Variants in SDK1 observed in about 807,000 individuals in gnomAD.
SDK1 encodes protein sidekick-1.
In SDK1, 157 loss-of-function variants were observed where a neutral mutation model predicts 245.5. That is an observed-to-expected ratio of 0.64 (90% CI 0.56 to 0.73). The LOEUF (loss-of-function observed/expected upper bound fraction) is 0.73, where lower values mean the gene tolerates loss of function less well. Ranked by LOEUF, SDK1 falls within the 30% of genes least tolerant of loss-of-function variation. SDK1 has a pLI of 0.00. For missense variants in SDK1, 3,583 were observed against 3,002.3 expected (o/e 1.19, Z -4.52); for synonymous variants, 1,647 against 1,278.5 (o/e 1.29, Z -6.15).
intron 1 of SDK1, among the ~76,000 whole-genome samples, chr7:3,343,342 G>C (rs1419851805): frequency 6.6e-6 from 1 of 152,098 alleles, no homozygotes; most frequent in Non-Finnish European, 1.5e-5. Flanking sequence ...AATAAAAAGG[G>C]CCAAAGTATT....
intron 7 of SDK1, among the ~76,000 whole-genome samples, chr7:3,952,504 A>G (rs1239631751): frequency 6.6e-6 from 1 of 152,176 alleles, no homozygotes; most frequent in East Asian, 1.9e-4. Flanking sequence ...AATCACTTGA[A>G]CCCAGGAGGC....
At chr7:4,175,384 G>C (rs192824026) in intron 33 of SDK1, among the ~76,000 whole-genome samples, 4 of 152,392 alleles carry the variant, frequency 2.6e-5, no homozygotes, top group Admixed American at 2.6e-4. Flanking sequence ...TCTCCCTGAG[G>C]TGGTTTGCTC....
intron 13 of SDK1, among the ~76,000 whole-genome samples, chr7:3,985,417 G>A (rs1783744426): frequency 1.3e-5 from 2 of 152,194 alleles, no homozygotes; most frequent in African/African-American, 4.8e-5. Context: ...TAGGAAATGG[G>A]GCTTGGGAGG....
intron 4 of SDK1, among the ~76,000 whole-genome samples, chr7:3,787,512 A>G (rs151304278): frequency 5.9e-5 from 9 of 152,162 alleles, no homozygotes; most frequent in Admixed American, 5.2e-4. Flanking sequence ...ACTGAGAGCA[A>G]TTCTAGAAAA....
intron 44 of SDK1, among the ~76,000 whole-genome samples, chr7:4,253,243 T>G (rs1052837599): frequency 3.3e-5 from 5 of 152,206 alleles, no homozygotes; most frequent in African/African-American, 9.6e-5. Flanking sequence ...AGATCTTTCT[T>G]TTTTTGTAAA....
intron 1 of SDK1, among the ~76,000 whole-genome samples, chr7:3,562,148 T>C (rs750729929): frequency 6.6e-6 from 1 of 152,194 alleles, no homozygotes; most frequent in Non-Finnish European, 1.5e-5. Flanking sequence ...ACTTGGATGT[T>C]TCGGAAACTG....
chr7:3,368,092 T>C (rs1781135635), intron 1 of SDK1, among the ~76,000 whole-genome samples: 1 of 152,238 alleles, frequency 6.6e-6, no homozygotes, highest in East Asian at 1.9e-4. Context: ...TTCTATCATA[T>C]TTTTGTAAGT....
intron 30 of SDK1, among the ~76,000 whole-genome samples, chr7:4,153,334 C>T (rs1780511252): frequency 6.6e-6 from 1 of 151,782 alleles, no homozygotes; most frequent in Non-Finnish European, 1.5e-5. Flanking sequence ...GCCTGTAATC[C>T]CAGCACTTTG....
chr7:3,881,224 A>G (rs1400667547), intron 5 of SDK1, among the ~76,000 whole-genome samples: 1 of 152,148 alleles, frequency 6.6e-6, no homozygotes, highest in African/African-American at 2.4e-5. Flanking sequence ...CCCAGCATGC[A>G]TTAGTTATTC....
At chr7:3,337,544 G>A (rs894742666) in intron 1 of SDK1, among the ~76,000 whole-genome samples, 6 of 152,138 alleles carry the variant, frequency 3.9e-5, no homozygotes, top group African/African-American at 7.2e-5. Context: ...CTAAGAAGCT[G>A]AGTGAGCCCC....
intron 5 of SDK1, among the ~76,000 whole-genome samples, chr7:3,913,979 C>A (rs1490682119): frequency 6.6e-6 from 1 of 152,184 alleles, no homozygotes; most frequent in Non-Finnish European, 1.5e-5. Context: ...ATACTCCCTT[C>A]CCTGATGGTG....
rs200165223 is a variant in SDK1 at position 3,789,460 on chromosome 7, T to TG, written c.714-31990_714-31989insG. Among the ~76,000 whole-genome samples, 847 of 152,352 alleles carry TG rather than the reference T, an allele frequency of 5.6e-3. 9 individuals carry two copies. Among genetic ancestry groups the TG allele is most frequent in the African/African-American group, 0.02 (815 of 41,582 alleles). ...ACTCTGCCCAGCCTGTAACTGCTTT[T>TG]CTACTTTACAGGTATAAATAAGTGT... On this transcript the variant is annotated intron_variant, in intron 4 of 44. Coordinates refer to ENST00000404826, the MANE Select transcript of SDK1 (RefSeq NM_152744.4).
intron 1 of SDK1, among the ~76,000 whole-genome samples, chr7:3,558,650 C>T (rs10215554): frequency 0.24 from 36,805 of 152,102 alleles, 4,681 homozygotes; most frequent in East Asian, 0.35. Flanking sequence ...TTAGAGCGAC[C>T]GCTGGGATCC....
At chr7:3,535,072 G>A (rs1000742893) in intron 1 of SDK1, among the ~76,000 whole-genome samples, 3 of 152,206 alleles carry the variant, frequency 2.0e-5, no homozygotes, top group Admixed American at 6.5e-5. Context: ...TCAGGAGTTC[G>A]AGACCAGCCT....
rs117780330 is a variant in SDK1, at chr7:4,058,792, G to A, written c.2911+6962G>A. On this transcript the variant is annotated intron_variant, in intron 19 of 44. Coordinates refer to ENST00000404826, the MANE Select transcript of SDK1 (RefSeq NM_152744.4). ...TGAAAGAGAAATAAAGTATTTCCTA[G>A]ATAAGTAAAAGCTGAGGGAATTCAT... Among the ~76,000 whole-genome samples the A allele has an allele frequency of 8.4e-3, 1,272 of 152,250 alleles. 14 individuals carry two copies. The highest frequency in any genetic ancestry group is 0.028 in the South Asian group (136 of 4,830).
intron 1 of SDK1, among the ~76,000 whole-genome samples, chr7:3,364,288 A>T (rs996535636): frequency 1.3e-5 from 2 of 152,096 alleles, no homozygotes; most frequent in Non-Finnish European, 2.9e-5. Context: ...TTTAATTTTG[A>T]TGAAGTCAGA....
chr7:3,392,961 A>ATTTT (rs572782966), intron 1 of SDK1, among the ~76,000 whole-genome samples: 2,004 of 86,728 alleles, frequency 0.023, 77 homozygotes, highest in African/African-American at 0.035. Flanking sequence ...CCTGTTTTAA[A>ATTTT]TTTTTTTTTT....
intron 20 of SDK1, among the ~76,000 whole-genome samples, chr7:4,072,408 T>C (rs1483694165): frequency 6.6e-6 from 1 of 152,138 alleles, no homozygotes; most frequent in East Asian, 1.9e-4. Context: ...CGCCTGCAGC[T>C]CTTTGGAGGA....
chr7:3,380,135 T>C (rs1047025154), intron 1 of SDK1, among the ~76,000 whole-genome samples: 1 of 152,212 alleles, frequency 6.6e-6, no homozygotes, highest in African/African-American at 2.4e-5. Context: ...GGATTGTTTT[T>C]ATAATCAGAA....
Sources: allele counts gnomAD v4.1 joint callset (sites outside exome capture counted in the v4.1 genomes callset), GRCh38; gene constraint gnomAD v4.1.1; transcripts MANE v1.5; gene names NCBI Gene and HGNC (gene_info 2026-07-23, HGNC 2026-07-21).